ALKBH5: variants seen among roughly 807,000 people sequenced by gnomAD.
ALKBH5 encodes the protein RNA demethylase ALKBH5.
ALKBH5 carries 2 observed loss-of-function variants against 32.1 expected under a neutral mutation model. The ratio of observed to expected loss-of-function variants is 0.06; its 90% confidence interval spans 0.03 to 0.20. The LOEUF (loss-of-function observed/expected upper bound fraction) is 0.20. ALKBH5 is among the 10% of genes least tolerant of loss of function. The probability of loss-of-function intolerance (pLI) is 1.00; values close to 1 mark genes in which losing one functional copy is unlikely to be tolerated. For synonymous variants in ALKBH5, 300 were observed against 231.7 expected, an observed-to-expected ratio of 1.29 and a Z score of -2.68; for missense variants, 352 against 559.5, an observed-to-expected ratio of 0.63 and a Z score of 3.74.
In ALKBH5 at chr17:18,183,831, G is replaced by A. The variant is rs1006646334; in HGVS notation, c.-413G>A. On this transcript the variant is annotated 5_prime_UTR_variant, in exon 1 of 4. Coordinates refer to ENST00000399138, the MANE Select transcript of ALKBH5 (RefSeq NM_017758.4). ...GGCAGCACTGCGCGTGCGCGGTGAG[G>A]AGCCCGCTAAGGAGCGGCGCTGGCG... is the stretch of plus-strand genomic sequence containing the variant. 2 of 300,040 alleles carry A rather than the reference G, an allele frequency of 6.7e-6. No homozygotes were observed. Among genetic ancestry groups the A allele is most frequent in the Non-Finnish European group, 6.4e-6 (1 of 155,920 alleles). 18.6% of individuals were successfully genotyped at this position (300,040 alleles called of 1,614,324 possible).
intron 1 of ALKBH5, among the ~76,000 whole-genome samples, chr17:18,187,129 A>G (rs1441456457): frequency 2.0e-5 from 3 of 152,218 alleles, no homozygotes; most frequent in African/African-American, 4.8e-5. Context: ...AGGATAAGTT[A>G]TAGCCCAGGA....
intron 1 of ALKBH5, among the ~76,000 whole-genome samples, chr17:18,188,842 A>G (rs1383145616): frequency 1.3e-5 from 2 of 151,976 alleles, no homozygotes; most frequent in Non-Finnish European, 2.9e-5. Flanking sequence ...GCCAAGGTGG[A>G]CGGATCATGA....
chr17:18,203,837 T>C (rs944320575), intron 2 of ALKBH5, among the ~76,000 whole-genome samples: 12 of 152,188 alleles, frequency 7.9e-5, no homozygotes, highest in African/African-American at 2.9e-4. Flanking sequence ...GATGTACTTA[T>C]AACAGTCCCA....
intron 1 of ALKBH5, among the ~76,000 whole-genome samples, chr17:18,189,330 C>T (rs888332102): frequency 6.6e-5 from 10 of 152,270 alleles, no homozygotes; most frequent in African/African-American, 1.7e-4. Flanking sequence ...TGCAGTGAAC[C>T]GAGATCATGC....
intron 1 of ALKBH5, among the ~76,000 whole-genome samples, chr17:18,189,964 T>C (rs1320292626): frequency 6.6e-6 from 1 of 152,204 alleles, no homozygotes; most frequent in Admixed American, 6.5e-5. Flanking sequence ...TGGTAAATAA[T>C]TGAGCCTGAG....
chr17:18,189,132 C>G (rs557814009), intron 1 of ALKBH5, among the ~76,000 whole-genome samples: 1 of 151,964 alleles, frequency 6.6e-6, no homozygotes, highest in Non-Finnish European at 1.5e-5. Context: ...AATCCCAGCA[C>G]TTTGGGAGGC....
intron 2 of ALKBH5, among the ~76,000 whole-genome samples, chr17:18,202,485 C>T (rs1355181035): frequency 6.6e-6 from 1 of 152,088 alleles, no homozygotes; most frequent in Non-Finnish European, 1.5e-5. Context: ...TAGACCTTAG[C>T]TCTAGGGACC....
intron 2 of ALKBH5, among the ~76,000 whole-genome samples, chr17:18,202,362 G>C (rs2047247145): frequency 6.6e-6 from 1 of 152,118 alleles, no homozygotes; most frequent in African/African-American, 2.4e-5. Context: ...GCAGGGGGCT[G>C]GTGGAAGATG....
rs879896001 is a variant in ALKBH5, at chr17:18,201,846, AGATT to A, written c.852-4956_852-4953del. Among the ~76,000 whole-genome samples the A allele has an allele frequency of 1.5e-3, 128 of 84,214 alleles. 1 individual carries two copies. The highest frequency in any genetic ancestry group is 6.0e-3 in the Middle Eastern group (1 of 168). 55.2% of individuals were successfully genotyped at this position (84,214 alleles called of 152,430 possible). ...ATAGATAGATAGATAGATGATAGAT[AGATT>A]GATTGATTGATTTAAAAAACCAGGT... On this transcript the variant is annotated intron_variant, in intron 2 of 3. Coordinates refer to ENST00000399138, the MANE Select transcript of ALKBH5 (RefSeq NM_017758.4).
At chr17:18,204,867 C>T (rs1010247719) in intron 2 of ALKBH5, among the ~76,000 whole-genome samples, 2 of 151,968 alleles carry the variant, frequency 1.3e-5, no homozygotes, top group Non-Finnish European at 2.9e-5. Context: ...AGAGACCAGC[C>T]TAGGCAAAAT....
rs1368571093 is a variant in ALKBH5, at chr17:18,184,209, G to T, written c.-35G>T. 6.8e-7 allele frequency: 1 copy of T among 1,462,888 alleles called. No homozygotes were observed. The highest frequency in any genetic ancestry group is 9.0e-7 in the Non-Finnish European group (1 of 1,114,212). The allele number at this position is 1,462,888 out of a possible 1,614,324, so 90.6% of individuals were successfully genotyped here. A position where few individuals can be genotyped will look rare whatever the true frequency, so the allele number is the denominator to read the frequency against. ...AGAGCCATGCCCGGCTGCCCCGCCCGCCCCGGAGGACCCTAGAGCAGCGTC... is the reference window on the plus strand; with the variant it reads ...AGAGCCATGCCCGGCTGCCCCGCCCTCCCCGGAGGACCCTAGAGCAGCGTC... On this transcript the variant is annotated 5_prime_UTR_variant, in exon 1 of 4. Coordinates refer to ENST00000399138, the MANE Select transcript of ALKBH5 (RefSeq NM_017758.4).
intron 2 of ALKBH5, among the ~76,000 whole-genome samples, chr17:18,196,140 T>C (rs1249404714): frequency 6.6e-6 from 1 of 152,142 alleles, no homozygotes; most frequent in Non-Finnish European, 1.5e-5. Flanking sequence ...CTACGTTACA[T>C]TTAGTTGACA....
chr17:18,194,689 G>A (rs548148531), intron 1 of ALKBH5, among the ~76,000 whole-genome samples: 1 of 152,312 alleles, frequency 6.6e-6, no homozygotes, highest in African/African-American at 2.4e-5. Context: ...CCTGTTCAGG[G>A]AGAGTCTTGC....
At chr17:18,188,075 C>T (rs763753855) in intron 1 of ALKBH5, among the ~76,000 whole-genome samples, 2 of 152,244 alleles carry the variant, frequency 1.3e-5, no homozygotes, top group Admixed American at 6.5e-5. Context: ...ACCTAGTCGT[C>T]AGTTGTTTTT....
intron 2 of ALKBH5, among the ~76,000 whole-genome samples, chr17:18,200,645 G>A (rs927808408): frequency 4.6e-5 from 7 of 152,190 alleles, no homozygotes; most frequent in Non-Finnish European, 7.3e-5. Context: ...TTTGGGAAAA[G>A]GCAGACATTT....
chr17:18,199,206 C>T (rs1293065615), intron 2 of ALKBH5, among the ~76,000 whole-genome samples: 1 of 152,118 alleles, frequency 6.6e-6, no homozygotes, highest in Non-Finnish European at 1.5e-5. Context: ...GCCTCAGCAC[C>T]CCCAAACTTC....
intron 1 of ALKBH5, among the ~76,000 whole-genome samples, chr17:18,186,170 G>A (rs921528460): frequency 3.9e-5 from 6 of 152,168 alleles, no homozygotes; most frequent in Non-Finnish European, 8.8e-5. Context: ...TGTCCAAGAC[G>A]TCCTGGTGGG....
chr17:18,188,257 G>C (rs1213208349), intron 1 of ALKBH5, among the ~76,000 whole-genome samples: 1 of 152,248 alleles, frequency 6.6e-6, no homozygotes, highest in Non-Finnish European at 1.5e-5. Context: ...ATTACTTCAA[G>C]GCTAATTGCT....
intron 1 of ALKBH5, among the ~76,000 whole-genome samples, chr17:18,193,329 C>T (rs949103233): frequency 6.6e-6 from 1 of 152,034 alleles, no homozygotes; most frequent in African/African-American, 2.4e-5. Flanking sequence ...TGGCGGATCA[C>T]GAGGTCAGGA....
Sources: allele counts gnomAD v4.1 joint callset (sites outside exome capture counted in the v4.1 genomes callset), GRCh38; gene constraint gnomAD v4.1.1; transcripts MANE v1.5; gene names NCBI Gene and HGNC (gene_info 2026-07-23, HGNC 2026-07-21).